Variants in ANOS1 observed in about 807,000 individuals in gnomAD.
ANOS1 encodes the protein anosmin-1.
A neutral mutation model predicts 59.0 loss-of-function variants in ANOS1; 6 were observed. The observed-to-expected ratio is 0.10, with a 90% CI of 0.06 to 0.20. The LOEUF (loss-of-function observed/expected upper bound fraction) is 0.20, where lower values mean the gene tolerates loss of function less well. Ranked by LOEUF, ANOS1 falls within the 10% of genes least tolerant of loss-of-function variation. The pLI is 1.00. For missense variants in ANOS1, 433 were observed against 542.3 expected (o/e 0.80, Z 2.00); for synonymous variants, 217 against 223.4 (o/e 0.97, Z 0.25).
At chrX:8,542,456 A>G (rs1156978988) in intron 9 of ANOS1, among the ~76,000 whole-genome samples, 26 of 109,483 alleles carry the variant, frequency 2.4e-4, no homozygotes, top group African/African-American at 8.7e-4. Context: ...AATTCAGCCA[A>G]TGCAATAGGT....
At chrX:8,598,044 CAT>C (rs1285453503) in intron 3 of ANOS1, among the ~76,000 whole-genome samples, 1 of 111,614 alleles carries the variant, frequency 9.0e-6, no homozygotes, top group East Asian at 2.8e-4. Context: ...ACAATGGTAA[CAT>C]ATTTATTGGT....
At chrX:8,709,119 G>T (rs1219411852) in intron 1 of ANOS1, among the ~76,000 whole-genome samples, 1 of 109,968 alleles carries the variant, frequency 9.1e-6, no homozygotes, top group African/African-American at 3.3e-5. Context: ...GTCAGGGGGT[G>T]GGGGGTGAGG....
intron 7 of ANOS1, among the ~76,000 whole-genome samples, chrX:8,569,166 T>C (rs1930173785): frequency 8.9e-6 from 1 of 112,225 alleles, no homozygotes; most frequent in Non-Finnish European, 1.9e-5. Context: ...TCTGTCATAA[T>C]GTATTGGGCA....
In ANOS1 at chrX:8,594,656, GTGTATATATATATA is replaced by G. The variant is rs1930682544; in HGVS notation, c.541+2364_541+2377del. ...AAAAAAAATCTACATATATATATAT[GTGTATATATATATA>G]TATATATATATATATATATATATAT... On this transcript the variant is annotated intron_variant, in intron 4 of 13. Coordinates refer to ENST00000262648, the MANE Select transcript of ANOS1 (RefSeq NM_000216.4). Among the ~76,000 whole-genome samples, 2 of 12,440 alleles carry G rather than the reference GTGTATATATATATA, an allele frequency of 1.6e-4. 1 individual carries two copies. The highest frequency in any genetic ancestry group is 7.1e-4 in the African/African-American group (2 of 2,812). The allele number at this position is 12,440 out of a possible 115,157, so 10.8% of individuals were successfully genotyped here.
intron 2 of ANOS1, among the ~76,000 whole-genome samples, chrX:8,673,823 C>T (rs1932293528): frequency 9.0e-6 from 1 of 111,588 alleles, no homozygotes; most frequent in Non-Finnish European, 1.9e-5. Flanking sequence ...TGAGTGGGAT[C>T]GAACCACCAT....
Position 8,695,729 on chromosome X carries a change from T to C in ANOS1, c.255+3969A>G, listed in dbSNP as rs186950986. Among the ~76,000 whole-genome samples, 1,042 of 105,209 alleles carry C rather than the reference T, an allele frequency of 9.9e-3. 13 individuals are homozygous for C. Among genetic ancestry groups the C allele is most frequent in the African/African-American group, 0.034 (981 of 28,792 alleles). 91.4% of individuals were successfully genotyped at this position (105,209 alleles called of 115,157 possible). A position where few individuals can be genotyped will look rare whatever the true frequency, so the allele number is the denominator to read the frequency against. On this transcript the variant is annotated intron_variant, in intron 2 of 13. Coordinates refer to ENST00000262648, the MANE Select transcript of ANOS1 (RefSeq NM_000216.4). ...AAAAAAAAAAAAAAAACCTAGTGCATCAAGACAATCAACCACTAAATTGAG... is the reference window on the plus strand; with the variant it reads ...AAAAAAAAAAAAAAAACCTAGTGCACCAAGACAATCAACCACTAAATTGAG...
Position 8,532,769 on chromosome X carries a change from T to C in ANOS1, c.*226A>G. The C allele has an allele frequency of 2.8e-6, 1 of 361,339 alleles. No homozygotes were observed. The highest frequency in any genetic ancestry group is 6.0e-5 in the South Asian group (1 of 16,574). 29.8% of individuals were successfully genotyped at this position (361,339 alleles called of 1,213,427 possible). On this transcript the variant is annotated 3_prime_UTR_variant, in exon 14 of 14. Coordinates refer to ENST00000262648, the MANE Select transcript of ANOS1 (RefSeq NM_000216.4). ...AGCATTAAACAGGCCTATTCTTCAT[T>C]TTCTCCATGCTTGTAGGGAACTGGT...
At chrX:8,608,096 T>G (rs1232720922) in intron 3 of ANOS1, among the ~76,000 whole-genome samples, 1 of 111,903 alleles carries the variant, frequency 8.9e-6, no homozygotes, top group Non-Finnish European at 1.9e-5. Context: ...AGATAACTGC[T>G]GTACAATTTG....
intron 3 of ANOS1, among the ~76,000 whole-genome samples, chrX:8,605,789 C>T (rs905933782): frequency 4.5e-5 from 5 of 111,690 alleles, no homozygotes; most frequent in Non-Finnish European, 7.5e-5. Flanking sequence ...AATATAGCTT[C>T]TGCTTCTGAA....
intron 2 of ANOS1, among the ~76,000 whole-genome samples, chrX:8,686,622 C>G (rs1415590929): frequency 9.0e-6 from 1 of 111,701 alleles, no homozygotes; most frequent in Non-Finnish European, 1.9e-5. Context: ...ACCCATTTCT[C>G]AAGGAGGCAC....
At position 8,536,881 on chromosome X, in the gene ANOS1, G is replaced by A. The variant is rs765611622; in HGVS notation, c.1511C>T (p.Pro504Leu). Residue 504 changes from proline to leucine, a missense_variant, in exon 11 of 14, where the codon CCA (proline) becomes CTA (leucine). Transcript: ENST00000262648. ...CTTGGAGTGACTTTTTGGCCGTATTGGTTGGACAGTCACCTTATACTTGCA... is the reference window on the plus strand; with the variant it reads ...CTTGGAGTGACTTTTTGGCCGTATTAGTTGGACAGTCACCTTATACTTGCA... ...FSCKYKVTVQ[P>L]IRPKSHSKAE... is the part of the protein sequence containing the mutation. 122 of 1,205,285 alleles carry A rather than the reference G, an allele frequency of 1.0e-4. No individual in the cohort carries two copies. The East Asian group carries it at 1.5e-3, about 15-fold the overall frequency.
chrX:8,709,888 T>C (rs1222448922), intron 1 of ANOS1, among the ~76,000 whole-genome samples: 1 of 111,982 alleles, frequency 8.9e-6, no homozygotes, highest in Admixed American at 9.5e-5. Flanking sequence ...ATAGCTGCTC[T>C]TATGCACAAA....
chrX:8,663,367 T>C (rs1415012189), intron 2 of ANOS1, among the ~76,000 whole-genome samples: 1 of 111,759 alleles, frequency 8.9e-6, no homozygotes, highest in Non-Finnish European at 1.9e-5. Flanking sequence ...TCTTAGCTCA[T>C]GAGCCATACA....
chrX:8,615,521 C>T (rs564093345), intron 3 of ANOS1, among the ~76,000 whole-genome samples: 11 of 92,092 alleles, frequency 1.2e-4, no homozygotes, highest in South Asian at 1.1e-3. Flanking sequence ...CCAGCCTGGG[C>T]GACAGAGCAA....
chrX:8,614,141 C>T (rs1053089038), intron 3 of ANOS1, among the ~76,000 whole-genome samples: 2 of 111,599 alleles, frequency 1.8e-5, no homozygotes, highest in Non-Finnish European at 3.8e-5. Context: ...TTCCTTCACC[C>T]CTAGTTCCTT....
chrX:8,696,564 C>T (rs1932687871), intron 2 of ANOS1, among the ~76,000 whole-genome samples: 1 of 112,558 alleles, frequency 8.9e-6, no homozygotes, highest in Non-Finnish European at 1.9e-5. Flanking sequence ...ATACCTTGTA[C>T]TCAGTAAACT....
At chrX:8,687,593 AACACACACACACAC>A (rs58384646) in intron 2 of ANOS1, among the ~76,000 whole-genome samples, 2 of 95,660 alleles carry the variant, frequency 2.1e-5, no homozygotes, top group African/African-American at 3.9e-5. Context: ...TAATCCAGTA[AACACACACACACAC>A]ACACACACAC....
chrX:8,548,604 T>C (rs1245451264), intron 9 of ANOS1, among the ~76,000 whole-genome samples: 5 of 112,610 alleles, frequency 4.4e-5, no homozygotes, highest in African/African-American at 1.6e-4. Context: ...ACTAAAGATG[T>C]AGAATGAATC....
intron 6 of ANOS1, among the ~76,000 whole-genome samples, chrX:8,572,208 G>C (rs1426816215): frequency 1.8e-5 from 2 of 109,901 alleles, no homozygotes; most frequent in Admixed American, 2.0e-4. Flanking sequence ...TGCCATGGTG[G>C]TTTGCTGCAC....
Sources: allele counts gnomAD v4.1 joint callset (sites outside exome capture counted in the v4.1 genomes callset), GRCh38; gene constraint gnomAD v4.1.1; transcripts MANE v1.5; gene names NCBI Gene and HGNC (gene_info 2026-07-23, HGNC 2026-07-21).